Variants in THSD7B observed in about 807,000 individuals in gnomAD.
The protein encoded by THSD7B is thrombospondin type 1 domain containing 7B.
A neutral mutation model predicts 213.6 loss-of-function variants in THSD7B; 138 were observed. The observed-to-expected ratio is 0.65, with a 90% CI of 0.56 to 0.74. The LOEUF (loss-of-function observed/expected upper bound fraction) is 0.74. THSD7B is among the 30% of genes least tolerant of loss of function. THSD7B has a pLI of 0.00. For synonymous variants in THSD7B, 742 were observed against 687.0 expected, an observed-to-expected ratio of 1.08 and a Z score of -1.25; for missense variants, 1,931 against 1,991.5, an observed-to-expected ratio of 0.97 and a Z score of 0.58.
intron 2 of THSD7B, among the ~76,000 whole-genome samples, chr2:136,949,313 A>T (rs1684995071): frequency 6.6e-6 from 1 of 152,210 alleles, no homozygotes; most frequent in South Asian, 2.1e-4. Context: ...GATTCTCTAA[A>T]TTAATTTTTT....
At chr2:137,250,836 C>A (rs920512685) in intron 10 of THSD7B, among the ~76,000 whole-genome samples, 12 of 152,122 alleles carry the variant, frequency 7.9e-5, no homozygotes, top group African/African-American at 2.9e-4. Context: ...TGAATGTCTC[C>A]CTTCATCTCT....
At chr2:137,076,074 C>T (rs1687616292) in intron 3 of THSD7B, among the ~76,000 whole-genome samples, 1 of 152,178 alleles carries the variant, frequency 6.6e-6, no homozygotes, top group African/African-American at 2.4e-5. Flanking sequence ...TCTCAGATCT[C>T]AAGCTGCATG....
rs559292909 is a variant in THSD7B, at chr2:136,787,289, T to G, written c.-36+21602T>G. Among the ~76,000 whole-genome samples the G allele has an allele frequency of 2.6e-5, 4 of 152,298 alleles. No individual in the cohort carries two copies. The South Asian group carries it at 8.3e-4, about 32-fold the overall frequency. ...GAATATTTTTTTCTTTATATCTGTA[T>G]AGTATACTTTTGATTAAGTACCCAA... On this transcript the variant is annotated intron_variant, in intron 1 of 27. Transcript: ENST00000409968.
Position 137,632,851 on chromosome 2 carries a change from G to C in THSD7B, c.3800-9637G>C, listed in dbSNP as rs1295887895. Among the ~76,000 whole-genome samples, 3 of 152,222 alleles carry C rather than the reference G, an allele frequency of 2.0e-5. 1 individual carries two copies. Among genetic ancestry groups the C allele is most frequent in the African/African-American group, 7.2e-5 (3 of 41,546 alleles). ...AGAGATGTGATCCTGGCTTGGACTA[G>C]AGTCTGTTTTGCTCTGAAAAGCCTA... On this transcript the variant is annotated intron_variant, in intron 20 of 27. Transcript: ENST00000409968.
chr2:137,364,709 A>G (rs768740510), intron 12 of THSD7B, among the ~76,000 whole-genome samples: 17 of 152,138 alleles, frequency 1.1e-4, no homozygotes, highest in Non-Finnish European at 1.9e-4. Flanking sequence ...CTTCAAGGAG[A>G]ACTACAAACC....
chr2:137,017,984 C>T (rs1426590817), intron 2 of THSD7B, among the ~76,000 whole-genome samples: 90 of 140,294 alleles, frequency 6.4e-4, no homozygotes, highest in Non-Finnish European at 7.6e-4. Context: ...TTTGTCTTCC[C>T]TTTTTTTTTT....
At chr2:137,126,326 A>G (rs1294090556) in intron 5 of THSD7B, among the ~76,000 whole-genome samples, 1 of 152,182 alleles carries the variant, frequency 6.6e-6, no homozygotes, top group Non-Finnish European at 1.5e-5. Context: ...TCTTAGCTAG[A>G]TCTTCCTGAT....
intron 12 of THSD7B, among the ~76,000 whole-genome samples, chr2:137,311,217 T>A (rs1467945222): frequency 6.6e-6 from 1 of 151,430 alleles, no homozygotes; most frequent in Non-Finnish European, 1.5e-5. Flanking sequence ...AAGAGGTCCT[T>A]CACATCCCTT....
chr2:137,102,715 C>G (rs1688174633), intron 4 of THSD7B, among the ~76,000 whole-genome samples: 1 of 152,116 alleles, frequency 6.6e-6, no homozygotes, highest in Non-Finnish European at 1.5e-5. Flanking sequence ...ATCTGAAAAA[C>G]ACAGCATGAG....
At chr2:137,673,228 C>T (rs1683617658) in intron 27 of THSD7B, among the ~76,000 whole-genome samples, 1 of 151,714 alleles carries the variant, frequency 6.6e-6, no homozygotes, top group Non-Finnish European at 1.5e-5. Flanking sequence ...CATTTTTGTC[C>T]TTTGCTAAAA....
At chr2:136,927,087 T>C (rs1684546586) in intron 2 of THSD7B, among the ~76,000 whole-genome samples, 1 of 152,150 alleles carries the variant, frequency 6.6e-6, no homozygotes, top group Admixed American at 6.5e-5. Flanking sequence ...ATTTGTCTTA[T>C]GCCTCAGCTA....
intron 9 of THSD7B, 121 bp downstream of exon 9, chr2:137,233,254 T>G: frequency 2.2e-6 from 2 of 905,702 alleles, no homozygotes; most frequent in Non-Finnish European, 1.6e-6. Context: ...GGGTTTGTTG[T>G]TGCTGTTTGA....
intron 17 of THSD7B, among the ~76,000 whole-genome samples, chr2:137,588,455 C>T (rs748812989): frequency 2.6e-5 from 4 of 151,882 alleles, no homozygotes; most frequent in Non-Finnish European, 5.9e-5. Context: ...TTTTAAAATA[C>T]CTCTGGAGCT....
At chr2:136,950,069 T>C (rs1486154099) in intron 2 of THSD7B, among the ~76,000 whole-genome samples, 5 of 152,092 alleles carry the variant, frequency 3.3e-5, no homozygotes, top group Non-Finnish European at 7.4e-5. Flanking sequence ...CTGGCCACTA[T>C]GGTGAAACCC....
intron 14 of THSD7B, among the ~76,000 whole-genome samples, chr2:137,432,356 G>A (rs920706743): frequency 1.3e-5 from 2 of 152,158 alleles, no homozygotes; most frequent in African/African-American, 4.8e-5. Context: ...GCGCCACTGC[G>A]CTCCAGCCTG....
intron 7 of THSD7B, among the ~76,000 whole-genome samples, chr2:137,196,210 G>A (rs1425462002): frequency 6.6e-6 from 1 of 152,130 alleles, no homozygotes; most frequent in East Asian, 1.9e-4. Context: ...AGATGACGCT[G>A]GAGAAAACAT....
chr2:136,774,117 C>A (rs1681559205), intron 1 of THSD7B, among the ~76,000 whole-genome samples: 1 of 151,942 alleles, frequency 6.6e-6, no homozygotes, highest in Admixed American at 6.6e-5. Context: ...CCTAATAATC[C>A]CAGTTTCTTT....
chr2:136,990,573 G>C (rs1006226184), intron 2 of THSD7B, among the ~76,000 whole-genome samples: 7 of 152,146 alleles, frequency 4.6e-5, no homozygotes, highest in African/African-American at 1.7e-4. Flanking sequence ...CTGGAATGTG[G>C]GGCAAGAAAC....
At chr2:137,507,825 G>T (rs1345669391) in intron 15 of THSD7B, among the ~76,000 whole-genome samples, 1 of 149,660 alleles carries the variant, frequency 6.7e-6, no homozygotes, top group Non-Finnish European at 1.5e-5. Flanking sequence ...TTTGATTTAT[G>T]TGTGGCGAAA....
Sources: gnomAD v4.1 joint callset for allele counts (sites outside exome capture counted in the v4.1 genomes callset) on GRCh38, gnomAD v4.1.1 for gene constraint, MANE v1.5 for transcripts, NCBI Gene and HGNC (gene_info 2026-07-23, HGNC 2026-07-21) for gene names.